Variants in AGPAT2 observed in about 807,000 individuals in gnomAD.
AGPAT2 encodes 1-acylglycerol-3-phosphate O-acyltransferase 2.
In AGPAT2, 18 loss-of-function variants were observed where a neutral mutation model predicts 26.1. The ratio of observed to expected loss-of-function variants is 0.69; its 90% CI spans 0.48 to 1.02. AGPAT2 has a LOEUF of 1.02. AGPAT2 is among the 50% of genes least tolerant of loss of function. AGPAT2 has a pLI of 0.00. For missense variants in AGPAT2, 415 were observed against 394.9 expected, an observed-to-expected ratio of 1.05 and a Z score of -0.43; for synonymous variants, 200 against 174.2, an observed-to-expected ratio of 1.15 and a Z score of -1.16.
chr9:136,673,841 G>T lies in AGPAT2; in HGVS notation c.748C>A (p.Arg250=). The T allele has an allele frequency of 6.2e-7, 1 of 1,605,868 alleles. No homozygotes were observed. The highest frequency in any genetic ancestry group is 8.5e-7 in the Non-Finnish European group (1 of 1,177,818). ...TGGAGGAAGGTGGTCCTCATGGCCC[G>T]GTGGCAGGTGTCCACGAGCGCAGGG... The part of the protein sequence containing the change: ...DVPALVDTCH[R]AMRTTFLHIS... The change falls in exon 6 of 6, where the codon CGG becomes AGG. Residue 250 remains arginine (R), a synonymous_variant. Coordinates refer to ENST00000371696, the MANE Select transcript of AGPAT2 (RefSeq NM_006412.4).
rs1693228350 is a variant in AGPAT2, at chr9:136,677,080, AGAGC to A, written c.369_372del (p.Leu124SerfsTer26). 6.2e-7 allele frequency: 1 copy of A among 1,613,228 alleles called. No individual in the cohort carries two copies. Among genetic ancestry groups the A allele is most frequent in the Non-Finnish European group, 8.5e-7 (1 of 1,179,984 alleles). ...ATGATGAGGCCCACGGGCCCCAGGA[AGAGC>A]AGCTCCCGCTTGGCGATCTGCACGC... On this transcript the variant is annotated frameshift_variant, in exon 3 of 6. Coordinates refer to ENST00000371696, the MANE Select transcript of AGPAT2 (RefSeq NM_006412.4). LOFTEE classifies it high-confidence loss of function.
At position 136,687,169 on chromosome 9, in the gene AGPAT2, G is replaced by A. The variant is rs1846232808; in HGVS notation, c.182+7C>T. ...CCCCGGCCCCTCCCGGCGGCCCCCG[G>A]CCTTGCCTCATGTTCTCCACCGTCC... On this transcript the variant is annotated splice_region_variant and intron_variant, in intron 1 of 5. Coordinates refer to ENST00000371696, the MANE Select transcript of AGPAT2 (RefSeq NM_006412.4). 2 of 1,584,442 alleles carry A rather than the reference G, an allele frequency of 1.3e-6. No individual in the cohort carries two copies. The highest frequency in any genetic ancestry group is 8.5e-7 in the Non-Finnish European group (1 of 1,171,194).
chr9:136,673,887 G>A lies in AGPAT2; in HGVS notation c.702C>T (p.Ser234=), dbSNP rs116951119. ...TVQVLEAIPT[S]GLTAADVPAL... is the part of the protein sequence containing the mutation. Reference sequence around the variant, plus strand: ...CAGGGACGTCCGCCGCAGTGAGGCCGCTGGTGGGGATGGCTTCCAGCACCT... The same window carrying A: ...CAGGGACGTCCGCCGCAGTGAGGCCACTGGTGGGGATGGCTTCCAGCACCT... The change falls in exon 6 of 6, where the codon AGC becomes AGT. Residue 234 remains serine (S), a synonymous_variant. Transcript: ENST00000371696. The A allele has an allele frequency of 0.015, 24,437 of 1,599,782 alleles. 240 individuals are homozygous for A. The highest frequency in any genetic ancestry group is 0.019 in the Non-Finnish European group (21,909 of 1,174,256).
chr9:136,686,944 C>T (rs553445458), intron 1 of AGPAT2, among the ~76,000 whole-genome samples: 257 of 152,234 alleles, frequency 1.7e-3, no homozygotes, highest in South Asian at 7.0e-3. Context: ...GGGGCCAGGG[C>T]GGGGGGTGGG....
chr9:136,679,050 G>A (rs775281001), intron 1 of AGPAT2, among the ~76,000 whole-genome samples: 3 of 152,072 alleles, frequency 2.0e-5, no homozygotes, highest in Admixed American at 6.5e-5. Flanking sequence ...CAACTCGCCC[G>A]GCCTTTAAAA....
rs1846153366 is a variant in AGPAT2, at chr9:136,681,022, T to C, written c.183-3466A>G. ...CACCTAAACAATATAATTGTACCCA[T>C]TTCTCAGCACACGGTTCCGTGGCAC... On this transcript the variant is annotated intron_variant, in intron 1 of 5. Transcript: ENST00000371696. Among the ~76,000 whole-genome samples, 3 of 152,174 alleles carry C rather than the reference T, an allele frequency of 2.0e-5. No individual in the cohort carries two copies. The South Asian group carries it at 6.2e-4, about 32-fold the overall frequency.
In AGPAT2 at chr9:136,687,403, C is replaced by G. The variant is rs1007918007; in HGVS notation, c.-46G>C. ...GGCGCCGCCAGCTCGCTCCCGCTCC[C>G]GCTCCCGCTTCTCCCCCGCGCGCTC... On this transcript the variant is annotated 5_prime_UTR_variant, in exon 1 of 6. Coordinates refer to ENST00000371696, the MANE Select transcript of AGPAT2 (RefSeq NM_006412.4). 3.4e-5 allele frequency: 48 copies of G among 1,393,344 alleles called. No individual in the cohort carries two copies. The African/African-American group carries it at 6.7e-4, about 19-fold the overall frequency. 86.3% of individuals were successfully genotyped at this position (1,393,344 alleles called of 1,614,324 possible). A position where few individuals can be genotyped will look rare whatever the true frequency, so the allele number is the denominator to read the frequency against.
intron 5 of AGPAT2, 104 bp from the exon 6 acceptor site, chr9:136,674,031 G>A (rs1238007040): frequency 8.3e-7 from 1 of 1,203,088 alleles, no homozygotes; most frequent in African/African-American, 1.6e-5. Context: ...GCCCCTCCCT[G>A]GGAAGCCCGA....
chr9:136,685,875 C>T (rs1846215010), intron 1 of AGPAT2, among the ~76,000 whole-genome samples: 1 of 152,218 alleles, frequency 6.6e-6, no homozygotes, highest in African/African-American at 2.4e-5. Flanking sequence ...AGAGCCCAGC[C>T]CCCAGGAACT....
At chr9:136,674,876 G>T (rs1564290145) in intron 4 of AGPAT2, 69 bp from the exon 5 acceptor site, 1 of 1,216,736 alleles carries the variant, frequency 8.2e-7, no homozygotes, top group Non-Finnish European at 1.1e-6. Flanking sequence ...GGCTGCATGT[G>T]GTTGGGGAGC....
chr9:136,674,040 G>A (rs1459311307), intron 5 of AGPAT2, 113 bp from the exon 6 acceptor site: 13 of 1,085,318 alleles, frequency 1.2e-5, no homozygotes, highest in Non-Finnish European at 1.5e-5. Context: ...TGGGAAGCCC[G>A]AGGCCGGGCT....
chr9:136,677,652 A>T, intron 1 of AGPAT2, 96 bp from the exon 2 acceptor site: 14 of 1,424,942 alleles, frequency 9.8e-6, no homozygotes, highest in South Asian at 1.2e-5. Context: ...GAGGCTGGGG[A>T]GGGGCCCTCC....
chr9:136,678,138 G>T (rs1317150789), intron 1 of AGPAT2, among the ~76,000 whole-genome samples: 1 of 152,184 alleles, frequency 6.6e-6, no homozygotes, highest in African/African-American at 2.4e-5. Context: ...ACAGAATCAG[G>T]CCGGTTCCCT....
intron 5 of AGPAT2, 127 bp from the exon 6 acceptor site, chr9:136,674,054 C>T (rs1019828485): frequency 2.3e-6 from 2 of 853,858 alleles, no homozygotes; most frequent in Non-Finnish European, 3.4e-6. Context: ...CCGGGCTCTT[C>T]CCCTGGACTC....
At position 136,674,723 on chromosome 9, in the gene AGPAT2, A is replaced by G. The variant is rs772888752; in HGVS notation, c.661+12T>C. On this transcript the variant is annotated intron_variant, in intron 5 of 5. Coordinates refer to ENST00000371696, the MANE Select transcript of AGPAT2 (RefSeq NM_006412.4). ...CGGGGCCTACACCCCGGGTGCACAC[A>G]TGTGGGGGTACCTGAAGTGAAGAAC... The G allele has an allele frequency of 2.0e-6, 3 of 1,476,306 alleles. No homozygotes were observed. Among genetic ancestry groups the G allele is most frequent in the South Asian group, 2.8e-5 (2 of 70,396 alleles). 91.5% of individuals were successfully genotyped at this position (1,476,306 alleles called of 1,614,324 possible).
chr9:136,679,520 G>A (rs1263916228), intron 1 of AGPAT2, among the ~76,000 whole-genome samples: 1 of 152,170 alleles, frequency 6.6e-6, no homozygotes, highest in Non-Finnish European at 1.5e-5. Flanking sequence ...CGGGCTGGTA[G>A]CACCCGCACA....
At chr9:136,681,799 C>A (rs1169512364) in intron 1 of AGPAT2, among the ~76,000 whole-genome samples, 2 of 152,108 alleles carry the variant, frequency 1.3e-5, no homozygotes, top group East Asian at 3.8e-4. Flanking sequence ...AAGACTTCAT[C>A]TCACACACAC....
In AGPAT2 at chr9:136,673,885, C is replaced by G; in HGVS notation, c.704G>C (p.Gly235Ala). 6.2e-7 allele frequency: 1 copy of G among 1,600,926 alleles called. No individual in the cohort carries two copies. The highest frequency in any genetic ancestry group is 2.3e-5 in the East Asian group (1 of 44,312). Reference protein sequence around the residue: ...VQVLEAIPTSGLTAADVPALV... With the variant: ...VQVLEAIPTSALTAADVPALV... ...CGCAGGGACGTCCGCCGCAGTGAGG[C>G]CGCTGGTGGGGATGGCTTCCAGCAC... The change falls in exon 6 of 6, where the codon GGC (glycine) becomes GCC (alanine). Residue 235 changes from glycine (G) to alanine (A), a missense_variant. Physicochemically the swap from Gly to Ala is moderately conservative, Grantham distance 60. Coordinates refer to ENST00000371696, the MANE Select transcript of AGPAT2 (RefSeq NM_006412.4).
chr9:136,687,420 C>T lies in AGPAT2; in HGVS notation c.-63G>A. ...CCCGCTCCCGCTCCCGCTTCTCCCC[C>T]GCGCGCTCAGGCCCCTTATTGCGAG... On this transcript the variant is annotated 5_prime_UTR_variant, in exon 1 of 6. Coordinates refer to ENST00000371696, the MANE Select transcript of AGPAT2 (RefSeq NM_006412.4). 2 of 1,347,400 alleles carry T rather than the reference C, an allele frequency of 1.5e-6. No individual in the cohort carries two copies. The highest frequency in any genetic ancestry group is 1.7e-5 in the South Asian group (1 of 57,802). The allele number at this position is 1,347,400 out of a possible 1,614,324, so 83.5% of individuals were successfully genotyped here.
Sources: gnomAD v4.1 joint callset for allele counts (sites outside exome capture counted in the v4.1 genomes callset) on GRCh38, gnomAD v4.1.1 for gene constraint, MANE v1.5 for transcripts, NCBI Gene and HGNC (gene_info 2026-07-23, HGNC 2026-07-21) for gene names.